TEX11: variants seen among roughly 807,000 people sequenced by gnomAD.
TEX11 encodes testis-expressed protein 11.
A neutral mutation model predicts 84.4 loss-of-function variants in TEX11; 7 were observed. That is an observed-to-expected ratio of 0.08 (90% CI 0.05 to 0.16). The LOEUF (loss-of-function observed/expected upper bound fraction) is 0.16, where lower values mean the gene tolerates loss of function less well. Among genes scored for constraint, TEX11 ranks in the 10% least tolerant of loss-of-function variants. The pLI is 1.00. For missense variants in TEX11, 551 were observed against 660.5 expected, an observed-to-expected ratio of 0.83 and a Z score of 1.82; for synonymous variants, 264 against 222.8, an observed-to-expected ratio of 1.18 and a Z score of -1.64.
intron 16 of TEX11, among the ~76,000 whole-genome samples, chrX:70,658,921 G>A (rs185224416): frequency 2.7e-5 from 3 of 111,703 alleles, no homozygotes; most frequent in African/African-American, 9.8e-5. Context: ...ATGGTGAAAT[G>A]GTTTTTGACA....
At chrX:70,852,924 A>G in intron 7 of TEX11, 110 bp downstream of exon 7, 1 of 742,919 alleles carries the variant, frequency 1.3e-6, no homozygotes, top group Non-Finnish European at 1.9e-6. Flanking sequence ...TTAATATCCT[A>G]TAAAAGGCCA....
At chrX:70,861,594 G>A (rs1363007120) in intron 4 of TEX11, among the ~76,000 whole-genome samples, 1 of 109,764 alleles carries the variant, frequency 9.1e-6, no homozygotes, top group African/African-American at 3.3e-5. Context: ...AGCCTCCCGA[G>A]TAGCTGGGAT....
At chrX:70,837,836 T>G (rs1451448012) in intron 7 of TEX11, among the ~76,000 whole-genome samples, 1 of 111,730 alleles carries the variant, frequency 9.0e-6, no homozygotes, top group African/African-American at 3.3e-5. Context: ...GTATCTTGAT[T>G]GTGGTGGTGG....
chrX:70,837,638 A>C (rs1193097136), intron 7 of TEX11, among the ~76,000 whole-genome samples: 3 of 111,675 alleles, frequency 2.7e-5, no homozygotes, highest in African/African-American at 9.7e-5. Context: ...AAAAAAAAAA[A>C]TGCTGAGTGA....
At chrX:70,716,987 T>A (rs917564992) in intron 13 of TEX11, among the ~76,000 whole-genome samples, 2 of 112,313 alleles carry the variant, frequency 1.8e-5, no homozygotes, top group African/African-American at 6.5e-5. Context: ...TAAATAGATA[T>A]AATCTAACAA....
Position 70,730,380 on chromosome X carries a change from C to A in TEX11, c.844-5037G>T, listed in dbSNP as rs773582426. On this transcript the variant is annotated intron_variant, in intron 11 of 29. Coordinates refer to ENST00000374333, the MANE Select transcript of TEX11 (RefSeq NM_031276.3). The stretch of plus-strand genomic sequence containing the variant: ...GGCAAATTGGATAAAGAGTCAAGAC[C>A]CATCAGTGTGCTGTATTCAGGAAAC... Among the ~76,000 whole-genome samples the A allele has an allele frequency of 3.6e-5, 4 of 111,491 alleles. No individual in the cohort carries two copies. In the Admixed American group the frequency reaches 3.8e-4, roughly 11 times the overall value.
intron 9 of TEX11, among the ~76,000 whole-genome samples, chrX:70,794,779 C>A (rs1569443518): frequency 9.1e-6 from 1 of 109,409 alleles, no homozygotes; most frequent in Non-Finnish European, 1.9e-5. Context: ...ATTCATCACC[C>A]ACTGGCTAGA....
At chrX:70,548,580 T>C (rs2088170336) in intron 28 of TEX11, among the ~76,000 whole-genome samples, 1 of 111,119 alleles carries the variant, frequency 9.0e-6, no homozygotes, top group African/African-American at 3.3e-5. Flanking sequence ...CTGCATGGCA[T>C]GGCGAATCTG....
At chrX:70,581,384 C>T (rs1250606606) in intron 25 of TEX11, among the ~76,000 whole-genome samples, 3 of 105,128 alleles carry the variant, frequency 2.9e-5, no homozygotes, top group South Asian at 4.5e-4. Flanking sequence ...CTGCAACCTC[C>T]GCCTGCTGGG....
At chrX:70,621,493 C>A (rs2089384009) in intron 20 of TEX11, among the ~76,000 whole-genome samples, 1 of 72,230 alleles carries the variant, frequency 1.4e-5, no homozygotes, top group African/African-American at 5.7e-5. Context: ...TGCACTCCAG[C>A]CTGGGCGAAA....
intron 5 of TEX11, chrX:70,857,520 G>C (rs1310272699): frequency 4.0e-6 from 1 of 249,139 alleles, no homozygotes; most frequent in Non-Finnish European, 7.6e-6. Context: ...TGGACCACAG[G>C]AAAGTTAAGT....
chrX:70,771,252 T>C (rs1171449926), intron 9 of TEX11, among the ~76,000 whole-genome samples: 1 of 112,498 alleles, frequency 8.9e-6, no homozygotes, highest in Admixed American at 9.4e-5. Context: ...ACTCTCTTCT[T>C]CAAGAATTTA....
At chrX:70,744,464 T>C (rs1454884997) in intron 9 of TEX11, among the ~76,000 whole-genome samples, 4 of 108,325 alleles carry the variant, frequency 3.7e-5, no homozygotes, top group Non-Finnish European at 5.7e-5. Flanking sequence ...TACAATTATA[T>C]TGATGCCTTT....
intron 24 of TEX11, among the ~76,000 whole-genome samples, chrX:70,593,711 C>T (rs759716521): frequency 1.8e-5 from 2 of 111,791 alleles, no homozygotes; most frequent in South Asian, 7.5e-4. Context: ...GATGGAAATT[C>T]TGGAGTTGAA....
chrX:70,813,277 T>G (rs1248722893), intron 8 of TEX11, among the ~76,000 whole-genome samples: 2 of 111,950 alleles, frequency 1.8e-5, no homozygotes, highest in Non-Finnish European at 3.8e-5. Context: ...ATCCCTGGGA[T>G]GCAAGGCTGG....
chrX:70,550,985 G>T (rs2088206389), intron 28 of TEX11, among the ~76,000 whole-genome samples: 1 of 111,602 alleles, frequency 9.0e-6, no homozygotes, highest in African/African-American at 3.3e-5. Context: ...CAATAGCTAA[G>T]ATTTGCAAGC....
chrX:70,579,451 C>G (rs1301803613), intron 25 of TEX11, among the ~76,000 whole-genome samples: 1 of 106,340 alleles, frequency 9.4e-6, no homozygotes, highest in Non-Finnish European at 1.9e-5. Context: ...AAGCCGAGAT[C>G]GCACCACTGC....
intron 18 of TEX11, among the ~76,000 whole-genome samples, chrX:70,627,284 TCTTA>T (rs1220256352): frequency 8.9e-6 from 1 of 112,216 alleles, no homozygotes; most frequent in African/African-American, 3.2e-5. Context: ...CAAGAGGTTT[TCTTA>T]CTTTTTGTTT....
At chrX:70,711,614 T>C (rs1182271647) in intron 13 of TEX11, among the ~76,000 whole-genome samples, 2 of 112,342 alleles carry the variant, frequency 1.8e-5, no homozygotes, top group Non-Finnish European at 3.8e-5. Context: ...TTCATATCCT[T>C]TGCCAACTTG....
Sources: gnomAD v4.1 joint callset for allele counts (sites outside exome capture counted in the v4.1 genomes callset) on GRCh38, gnomAD v4.1.1 for gene constraint, MANE v1.5 for transcripts, NCBI Gene and HGNC (gene_info 2026-07-23, HGNC 2026-07-21) for gene names.